Variants in ARHGAP18 observed in about 807,000 individuals in gnomAD.
ARHGAP18 encodes rho GTPase-activating protein 18.
In ARHGAP18, 67 loss-of-function variants were observed where a neutral mutation model predicts 86.2. That is an observed-to-expected ratio of 0.78 (90% CI 0.64 to 0.95). The LOEUF (loss-of-function observed/expected upper bound fraction) is 0.95, where lower values mean the gene tolerates loss of function less well. Among genes scored for constraint, ARHGAP18 ranks in the 40% least tolerant of loss-of-function variants. The pLI is 0.00. For synonymous variants in ARHGAP18, 283 were observed against 280.4 expected (o/e 1.01, Z -0.09); for missense variants, 691 against 780.4 (o/e 0.89, Z 1.37).
chr6:129,618,113 C>CAA (rs59768184), intron 6 of ARHGAP18, among the ~76,000 whole-genome samples: 99 of 132,536 alleles, frequency 7.5e-4, no homozygotes, highest in Admixed American at 9.8e-4. Flanking sequence ...ACAAAAAAAA[C>CAA]AAAAAAAAAA....
chr6:129,668,362 T>TCACACA (rs35153109), intron 1 of ARHGAP18, among the ~76,000 whole-genome samples: 33,844 of 137,120 alleles, frequency 0.25, 4,392 homozygotes, highest in Non-Finnish European at 0.28. Context: ...ACCCAAATAA[T>TCACACA]CACACACACA....
intron 8 of ARHGAP18, among the ~76,000 whole-genome samples, chr6:129,610,731 G>A (rs958764699): frequency 2.0e-5 from 3 of 151,946 alleles, no homozygotes; most frequent in African/African-American, 4.8e-5. Flanking sequence ...AGGTTCAAGC[G>A]ATTCTCCTGC....
intron 1 of ARHGAP18, among the ~76,000 whole-genome samples, chr6:129,656,414 C>T (rs758404171): frequency 1.3e-5 from 2 of 152,056 alleles, no homozygotes; most frequent in Non-Finnish European, 2.9e-5. Flanking sequence ...GAGGCCCAGG[C>T]GGTGGATCAC....
At chr6:129,590,574 T>C (rs1194350737) in intron 12 of ARHGAP18, among the ~76,000 whole-genome samples, 1 of 152,162 alleles carries the variant, frequency 6.6e-6, no homozygotes, top group East Asian at 1.9e-4. Flanking sequence ...CCACATCCCT[T>C]TCCCTCAATG....
At chr6:129,610,331 A>C (rs1788950871) in intron 8 of ARHGAP18, among the ~76,000 whole-genome samples, 1 of 152,226 alleles carries the variant, frequency 6.6e-6, no homozygotes, top group Non-Finnish European at 1.5e-5. Flanking sequence ...TTTATCCCCC[A>C]GGCCAAAAAG....
At chr6:129,648,175 T>C (rs1247133696) in intron 1 of ARHGAP18, among the ~76,000 whole-genome samples, 1 of 151,922 alleles carries the variant, frequency 6.6e-6, no homozygotes, top group Non-Finnish European at 1.5e-5. Flanking sequence ...AATTTTTCAA[T>C]TTTTTTGGTT....
intron 1 of ARHGAP18, among the ~76,000 whole-genome samples, chr6:129,682,551 A>G (rs544765495): frequency 6.6e-6 from 1 of 152,342 alleles, no homozygotes; most frequent in East Asian, 1.9e-4. Flanking sequence ...TGAAACACAG[A>G]CTTCTGACAT....
intron 1 of ARHGAP18, among the ~76,000 whole-genome samples, chr6:129,677,356 G>T (rs1774254402): frequency 6.6e-6 from 1 of 151,766 alleles, no homozygotes; most frequent in Non-Finnish European, 1.5e-5. Context: ...TCGCACCACT[G>T]CAGTCCGGCC....
chr6:129,618,096 G>T (rs1789133220), intron 6 of ARHGAP18, among the ~76,000 whole-genome samples: 1 of 146,528 alleles, frequency 6.8e-6, no homozygotes, highest in Non-Finnish European at 1.5e-5. Flanking sequence ...GGTAAAGCAA[G>T]GTACTTACAA....
At chr6:129,703,691 C>T (rs146748265) in intron 1 of ARHGAP18, among the ~76,000 whole-genome samples, 2 of 152,216 alleles carry the variant, frequency 1.3e-5, no homozygotes, top group Non-Finnish European at 2.9e-5. Flanking sequence ...AGTTGGACAC[C>T]GGGTGCAACC....
rs1773279694 is a variant in ARHGAP18, at chr6:129,634,113, T to C, written c.553-8A>G. On this transcript the variant is annotated splice_region_variant and splice_polypyrimidine_tract_variant and intron_variant, in intron 3 of 14. Coordinates refer to ENST00000368149, the MANE Select transcript of ARHGAP18 (RefSeq NM_033515.3). ...TTCAGTGCCACCTGGAGCCTAAACATAGAAAACAGGCCATTTAGTCATCTC... is the reference window on the plus strand; with the variant it reads ...TTCAGTGCCACCTGGAGCCTAAACACAGAAAACAGGCCATTTAGTCATCTC... The C allele has an allele frequency of 2.5e-6, 4 of 1,612,744 alleles. No homozygotes were observed. Among genetic ancestry groups the C allele is most frequent in the South Asian group, 2.2e-5 (2 of 90,816 alleles).
At chr6:129,657,328 T>A (rs995523994) in intron 1 of ARHGAP18, among the ~76,000 whole-genome samples, 2 of 152,144 alleles carry the variant, frequency 1.3e-5, no homozygotes, top group Non-Finnish European at 1.5e-5. Context: ...ACTAGTTTAG[T>A]CTCTTCAGTA....
intron 12 of ARHGAP18, among the ~76,000 whole-genome samples, chr6:129,597,411 G>A (rs1788636414): frequency 6.6e-6 from 1 of 152,144 alleles, no homozygotes; most frequent in Admixed American, 6.6e-5. Flanking sequence ...GGGCTGTGAT[G>A]TCAGAAAGCT....
rs772632806 is a variant in ARHGAP18, at chr6:129,641,935, G to A, written c.197C>T (p.Ser66Phe). 1.2e-6 allele frequency: 2 copies of A among 1,613,932 alleles called. No individual in the cohort carries two copies. The highest frequency in any genetic ancestry group is 1.7e-6 in the Non-Finnish European group (2 of 1,179,918). The part of the protein sequence containing the change: ...MEKPPFDRSI[S>F]QDSLDELSME... The stretch of plus-strand genomic sequence containing the variant: ...AGATAGTTCATCCAAAGAATCCTGG[G>A]AAATTGATCGATCAAATGGAGGCTT... The change falls in exon 2 of 15, where the codon TCC (serine) becomes TTC (phenylalanine). Residue 66 changes from serine (S) to phenylalanine (F), a missense_variant. Ser to Phe is a radical substitution (Grantham distance 155). Transcript: ENST00000368149.
intron 1 of ARHGAP18, among the ~76,000 whole-genome samples, chr6:129,704,382 C>T (rs1307222016): frequency 6.6e-6 from 1 of 151,914 alleles, no homozygotes; most frequent in Non-Finnish European, 1.5e-5. Context: ...GAGGTGGAGG[C>T]TGCAGTGTGC....
At chr6:129,660,150 C>G (rs1196309892) in intron 1 of ARHGAP18, among the ~76,000 whole-genome samples, 2 of 152,192 alleles carry the variant, frequency 1.3e-5, no homozygotes, top group Non-Finnish European at 2.9e-5. Flanking sequence ...ATTAAGAACC[C>G]TGGAATGCAG....
intron 1 of ARHGAP18, among the ~76,000 whole-genome samples, chr6:129,681,724 G>A (rs575366211): frequency 2.0e-5 from 3 of 152,208 alleles, no homozygotes; most frequent in South Asian, 4.1e-4. Flanking sequence ...ATCAAAATCC[G>A]TGAAATACTA....
At chr6:129,613,548 AG>A (rs1747280343) in intron 7 of ARHGAP18, among the ~76,000 whole-genome samples, 1 of 152,220 alleles carries the variant, frequency 6.6e-6, no homozygotes, top group African/African-American at 2.4e-5. Context: ...TTAAGTACAC[AG>A]GAAAAAGTGA....
At chr6:129,587,574 G>A (rs993464195) in intron 12 of ARHGAP18, among the ~76,000 whole-genome samples, 1 of 152,158 alleles carries the variant, frequency 6.6e-6, no homozygotes, top group Admixed American at 6.5e-5. Flanking sequence ...AATCATGGCA[G>A]AAGGCACCTC....
Sources: gnomAD v4.1 joint callset for allele counts (sites outside exome capture counted in the v4.1 genomes callset) on GRCh38, gnomAD v4.1.1 for gene constraint, MANE v1.5 for transcripts, NCBI Gene and HGNC (gene_info 2026-07-23, HGNC 2026-07-21) for gene names.